Variants in SETDB1 observed in about 807,000 individuals in gnomAD.
SETDB1 encodes the protein histone-lysine N-methyltransferase SETDB1.
In SETDB1, 31 loss-of-function variants were observed where a neutral mutation model predicts 137.4. The ratio of observed to expected loss-of-function variants is 0.23; its 90% CI spans 0.17 to 0.30. The LOEUF (loss-of-function observed/expected upper bound fraction) is 0.30. Ranked by LOEUF, SETDB1 falls within the 10% of genes least tolerant of loss-of-function variation. The pLI is 1.00. For missense variants in SETDB1, 1,113 were observed against 1,631.5 expected, an observed-to-expected ratio of 0.68 and a Z score of 5.47; for synonymous variants, 548 against 579.9, an observed-to-expected ratio of 0.95 and a Z score of 0.79.
chr1:150,940,123 G>C (rs1475107835), intron 4 of SETDB1, 149 bp downstream of exon 4: 1 of 520,272 alleles, frequency 1.9e-6, no homozygotes, highest in Non-Finnish European at 3.5e-6. Flanking sequence ...GATTGATGCT[G>C]TAAGAATTCA....
At chr1:150,939,064 G>A (rs983408479) in intron 3 of SETDB1, among the ~76,000 whole-genome samples, 4 of 151,686 alleles carry the variant, frequency 2.6e-5, no homozygotes, top group Non-Finnish European at 4.4e-5. Flanking sequence ...TCAGCTTCTC[G>A]TGAAGCCATG....
chr1:150,962,114 A>C lies in SETDB1; in HGVS notation c.3133-16A>C. 6.2e-7 allele frequency: 1 copy of C among 1,614,076 alleles called. No individual in the cohort carries two copies. The highest frequency in any genetic ancestry group is 8.5e-7 in the Non-Finnish European group (1 of 1,179,968). ...AGGCTGTGAAAGCATTTAACCCTTCACTTGTTCTTTTCCAGGACACTGACG... is the reference window on the plus strand; with the variant it reads ...AGGCTGTGAAAGCATTTAACCCTTCCCTTGTTCTTTTCCAGGACACTGACG... On this transcript the variant is annotated splice_polypyrimidine_tract_variant and intron_variant, in intron 16 of 21. Coordinates refer to ENST00000692827, the MANE Select transcript of SETDB1 (RefSeq NM_001366418.1).
intron 14 of SETDB1, among the ~76,000 whole-genome samples, chr1:150,955,887 G>A (rs974449115): frequency 1.1e-4 from 16 of 151,734 alleles, no homozygotes; most frequent in African/African-American, 3.1e-4. Context: ...TCAGGAGTTC[G>A]AGACCAGCCT....
At chr1:150,935,415 T>C (rs932654970) in intron 3 of SETDB1, among the ~76,000 whole-genome samples, 2 of 152,126 alleles carry the variant, frequency 1.3e-5, no homozygotes, top group African/African-American at 4.8e-5. Context: ...TCATCTGTTA[T>C]TTCTTCATGG....
chr1:150,931,990 T>C (rs988445706), intron 3 of SETDB1, among the ~76,000 whole-genome samples: 4 of 152,076 alleles, frequency 2.6e-5, no homozygotes, highest in African/African-American at 9.7e-5. Flanking sequence ...GTAGTTGTTT[T>C]TTTAGATGTT....
At chr1:150,928,161 G>A (rs769374679) in intron 2 of SETDB1, 187 bp downstream of exon 2, 1 of 610,270 alleles carries the variant, frequency 1.6e-6, no homozygotes, top group East Asian at 2.9e-5. Flanking sequence ...GGGTTCAAGT[G>A]ATTCTCCCAC....
intron 21 of SETDB1, 41 bp downstream of exon 21, chr1:150,964,124 A>G (rs1207650981): frequency 6.3e-7 from 1 of 1,581,574 alleles, no homozygotes; most frequent in East Asian, 2.2e-5. Context: ...AGGGGCAAGG[A>G]CCACTGAAGT....
intron 10 of SETDB1, among the ~76,000 whole-genome samples, chr1:150,948,136 G>A (rs184269129): frequency 2.7e-3 from 408 of 152,166 alleles, no homozygotes; most frequent in Middle Eastern, 0.01. Flanking sequence ...GCTGAGGCAG[G>A]AGGATTGCTT....
chr1:150,951,367 C>A lies in SETDB1; in HGVS notation c.2219C>A (p.Ser740Tyr). 6.2e-7 allele frequency: 1 copy of A among 1,604,106 alleles called. No homozygotes were observed. The highest frequency in any genetic ancestry group is 8.5e-7 in the Non-Finnish European group (1 of 1,170,978). ...CDCKDGCRDKSKCACHQLTIQ... is the reference protein window; with the variant it reads ...CDCKDGCRDKYKCACHQLTIQ... ...CTTTATTTCCCTCTGTCATATAGGT[C>A]CAAGTGTGCCTGCCATCAACTAACT... Residue 740 changes from serine (S) to tyrosine (Y), a missense_variant and splice_region_variant, in exon 14 of 22, where the codon TCC (serine) becomes TAC (tyrosine). By Grantham distance (144) the Ser-to-Tyr change is moderately radical. Around this residue, in one of 11 missense-constraint regions of SETDB1, gnomAD observed 81 missense variants for 123.4 expected, o/e 0.66. Transcript: ENST00000692827.
chr1:150,944,401 G>A (rs752607275), intron 8 of SETDB1, among the ~76,000 whole-genome samples: 7 of 152,202 alleles, frequency 4.6e-5, no homozygotes, highest in Non-Finnish European at 1.0e-4. Flanking sequence ...GAACCTCATA[G>A]TGTCCACTAT....
In SETDB1 at chr1:150,950,845, G is replaced by A; in HGVS notation, c.1971G>A (p.Glu657=). 2 of 1,614,146 alleles carry A rather than the reference G, an allele frequency of 1.2e-6. No individual in the cohort carries two copies. Among genetic ancestry groups the A allele is most frequent in the Admixed American group, 1.7e-5 (1 of 60,008 alleles). ...FETGCDFLFL[E]MFCLDPYVLV... ...CTGGCTGTGACTTCCTCTTCCTGGA[G>A]ATGTTCTGTTTGGATCCATATGTTC... The change falls in exon 13 of 22, where the codon GAG becomes GAA. Residue 657 remains glutamate, a synonymous_variant. Coordinates refer to ENST00000692827, the MANE Select transcript of SETDB1 (RefSeq NM_001366418.1).
At chr1:150,940,084 G>A (rs1670085495) in intron 4 of SETDB1, 110 bp downstream of exon 4, 1 of 731,680 alleles carries the variant, frequency 1.4e-6, no homozygotes, top group African/African-American at 1.7e-5. Flanking sequence ...CATTCACCCT[G>A]TGATCAGCCC....
In SETDB1 at chr1:150,962,138, C is replaced by T. The variant is rs141513295; in HGVS notation, c.3141C>T (p.Asp1047=). Residue 1047 remains aspartate, a synonymous_variant, in exon 17 of 22, where the codon GAC becomes GAT. Transcript: ENST00000692827. The stretch of plus-strand genomic sequence containing the variant: ...CACTTGTTCTTTTCCAGGACACTGA[C>T]GACCGAAACAAGATGTCAGTGTAAG... ...DIKQAKKEDT[D]DRNKMSVVTE... The T allele has an allele frequency of 5.7e-5, 92 of 1,614,064 alleles. No homozygotes were observed. In the African/African-American group the frequency reaches 7.1e-4, roughly 12 times the overall value.
intron 9 of SETDB1, among the ~76,000 whole-genome samples, chr1:150,945,626 C>T (rs893549798): frequency 1.3e-5 from 2 of 152,076 alleles, no homozygotes; most frequent in Non-Finnish European, 2.9e-5. Flanking sequence ...GCAGTGTGCC[C>T]AGAGTAGCCA....
At position 150,962,613 on chromosome 1, in the gene SETDB1, G is replaced by A. The variant is rs1298533385; in HGVS notation, c.3188G>A (p.Gly1063Asp). 4.3e-6 allele frequency: 7 copies of A among 1,613,914 alleles called. No homozygotes were observed. Among genetic ancestry groups the A allele is most frequent in the Non-Finnish European group, 5.1e-6 (6 of 1,179,952 alleles). ...GTTACTGAAAGCTCTCGAAATTACGGTTACAATCCTTCTCCTGTGAAGCCT... is the reference window on the plus strand; with the variant it reads ...GTTACTGAAAGCTCTCGAAATTACGATTACAATCCTTCTCCTGTGAAGCCT... ...SVVTESSRNY[G>D]YNPSPVKPEG... The change falls in exon 18 of 22, where the codon GGT becomes GAT. Residue 1063 changes from glycine to aspartate, a missense_variant. Physicochemically the swap from Gly to Asp is moderately conservative, Grantham distance 94. Around this residue, in one of 11 missense-constraint regions of SETDB1, gnomAD observed 373 missense variants for 412.7 expected, o/e 0.90. Coordinates refer to ENST00000692827, the MANE Select transcript of SETDB1 (RefSeq NM_001366418.1).
chr1:150,941,481 T>C (rs1379410052), intron 5 of SETDB1, 53 bp downstream of exon 5: 2 of 1,118,666 alleles, frequency 1.8e-6, no homozygotes, highest in African/African-American at 1.5e-5. Context: ...CTTACAGAGA[T>C]TTTGTCTTAA....
At chr1:150,956,157 A>C (rs1670634452) in intron 14 of SETDB1, among the ~76,000 whole-genome samples, 1 of 150,686 alleles carries the variant, frequency 6.6e-6, no homozygotes, top group Non-Finnish European at 1.5e-5. Flanking sequence ...GGAGGCCGAG[A>C]CAGGTGGATT....
chr1:150,932,380 T>G (rs1423927806), intron 3 of SETDB1, among the ~76,000 whole-genome samples: 1 of 152,192 alleles, frequency 6.6e-6, no homozygotes, highest in Non-Finnish European at 1.5e-5. Flanking sequence ...CCTCTGAGTT[T>G]GTATGGAATG....
intron 13 of SETDB1, 129 bp downstream of exon 13, chr1:150,951,219 C>G: frequency 1.7e-6 from 2 of 1,200,976 alleles, no homozygotes; most frequent in Non-Finnish European, 2.4e-6. Context: ...CCTGGAACTC[C>G]TGCTATAAGG....
Sources: allele counts gnomAD v4.1 joint callset (sites outside exome capture counted in the v4.1 genomes callset), GRCh38; gene constraint gnomAD v4.1.1; regional missense constraint gnomAD v4.1.1; transcripts MANE v1.5; gene names NCBI Gene and HGNC (gene_info 2026-07-23, HGNC 2026-07-21).